CDH4: variants seen among roughly 807,000 people sequenced by gnomAD.
CDH4 encodes cadherin-4.
Under a neutral mutation model 86.0 loss-of-function variants are expected in CDH4, and 33 were observed. The ratio of observed to expected loss-of-function variants is 0.38; its 90% CI spans 0.29 to 0.51. The LOEUF is 0.51. Among genes scored for constraint, CDH4 ranks in the 20% least tolerant of loss-of-function variants. The pLI, the probability that CDH4 is intolerant of heterozygous loss-of-function variation, is 0.86. For missense variants in CDH4, 1,114 were observed against 1,307.4 expected (o/e 0.85, Z 2.28); for synonymous variants, 555 against 549.4 (o/e 1.01, Z -0.14).
At chr20:61,704,405 C>G (rs957394454) in intron 2 of CDH4, among the ~76,000 whole-genome samples, 2 of 152,248 alleles carry the variant, frequency 1.3e-5, no homozygotes, top group African/African-American at 4.8e-5. Context: ...CCTTGTGGGG[C>G]GCTCTCGTTA....
intron 4 of CDH4, among the ~76,000 whole-genome samples, chr20:61,783,688 GA>G (rs1306971260): frequency 2.8e-4 from 39 of 138,160 alleles, no homozygotes; most frequent in African/African-American, 9.2e-4. Flanking sequence ...GCCCCCAAGA[GA>G]AATGTAATCC....
chr20:61,688,790 T>C (rs1419486632), intron 2 of CDH4, among the ~76,000 whole-genome samples: 1 of 152,268 alleles, frequency 6.6e-6, no homozygotes, highest in Non-Finnish European at 1.5e-5. Flanking sequence ...GATTGTTTTT[T>C]CTGATAACAC....
At chr20:61,655,545 C>G (rs1019147735) in intron 2 of CDH4, among the ~76,000 whole-genome samples, 2 of 152,224 alleles carry the variant, frequency 1.3e-5, no homozygotes, top group Non-Finnish European at 2.9e-5. Flanking sequence ...GGATGAAAGC[C>G]CACTTTCTGG....
chr20:61,807,816 G>A lies in CDH4; in HGVS notation c.576+34634G>A, dbSNP rs566519518. On this transcript the variant is annotated intron_variant, in intron 4 of 15. Coordinates refer to ENST00000614565, the MANE Select transcript of CDH4 (RefSeq NM_001794.5). This position sits in a 1 kb window ranked among gnomAD's most constrained non-coding sequence, Gnocchi z 4.5. The stretch of plus-strand genomic sequence containing the variant: ...AAGTGATAGGACGTCTCTGCACACA[G>A]CACATATCCATGCAGGATGGTCAGT... 6.6e-6 allele frequency among the ~76,000 whole-genome samples: 1 copy of A among 152,342 alleles called. No homozygotes were observed. Among genetic ancestry groups the A allele is most frequent in the South Asian group, 2.1e-4 (1 of 4,828 alleles).
At chr20:61,307,613 G>T (rs534828527) in intron 2 of CDH4, among the ~76,000 whole-genome samples, 14 of 152,396 alleles carry the variant, frequency 9.2e-5, no homozygotes, top group African/African-American at 3.4e-4. Flanking sequence ...ACCTGCCCCA[G>T]GCAGGAATCT....
chr20:61,420,860 C>G (rs1892315), intron 2 of CDH4, among the ~76,000 whole-genome samples: 1 of 151,830 alleles, frequency 6.6e-6, no homozygotes, highest in Non-Finnish European at 1.5e-5. Context: ...CAGGTGTCCA[C>G]GCACAGTGCA....
At position 61,393,430 on chromosome 20, in the gene CDH4, G is replaced by A. The variant is rs1162656154; in HGVS notation, c.169+138493G>A. 1.3e-5 allele frequency among the ~76,000 whole-genome samples: 2 copies of A among 152,272 alleles called. No homozygotes were observed. The highest frequency in any genetic ancestry group is 6.5e-5 in the Admixed American group (1 of 15,306). On this transcript the variant is annotated intron_variant, in intron 2 of 15. Transcript: ENST00000614565. The surrounding 1 kb of genome is among the most constrained non-coding windows in gnomAD (Gnocchi z 4.3). Reference sequence around the variant, plus strand: ...CTGATGTCGAGGACCCCCAGGGATTGGCAAAATTAAACCTGGATGCTTTGA... The same window carrying A: ...CTGATGTCGAGGACCCCCAGGGATTAGCAAAATTAAACCTGGATGCTTTGA...
In CDH4 at chr20:61,764,969, A is replaced by G. The variant is rs538049742; in HGVS notation, c.397-8034A>G. On this transcript the variant is annotated intron_variant, in intron 3 of 15. Coordinates refer to ENST00000614565, the MANE Select transcript of CDH4 (RefSeq NM_001794.5). ...ATGCATTCCATAGGAAGCACAGTTGATTAGGGCTTAATGGGGAGAGGCGAT... is the reference window on the plus strand; with the variant it reads ...ATGCATTCCATAGGAAGCACAGTTGGTTAGGGCTTAATGGGGAGAGGCGAT... Among the ~76,000 whole-genome samples the G allele has an allele frequency of 8.3e-4, 126 of 152,306 alleles. 5 individuals are homozygous for G. The South Asian group carries it at 0.023, about 28-fold the overall frequency.
chr20:61,612,174 C>T (rs2086690583), intron 2 of CDH4, among the ~76,000 whole-genome samples: 1 of 152,096 alleles, frequency 6.6e-6, no homozygotes, highest in African/African-American at 2.4e-5. Context: ...AAGATGAAAT[C>T]AGTGTAATTG....
chr20:61,306,297 T>G (rs1196156571), intron 2 of CDH4, among the ~76,000 whole-genome samples: 1 of 152,172 alleles, frequency 6.6e-6, no homozygotes, highest in Non-Finnish European at 1.5e-5. Flanking sequence ...AAGAAATGGC[T>G]GATTTGCTAC....
At chr20:61,855,287 T>C (rs1183519678) in intron 6 of CDH4, among the ~76,000 whole-genome samples, 1 of 152,190 alleles carries the variant, frequency 6.6e-6, no homozygotes, top group Non-Finnish European at 1.5e-5. Flanking sequence ...GCACCCTTGA[T>C]TGGTTGTCTT....
At chr20:61,904,496 G>A (rs753404955) in intron 8 of CDH4, among the ~76,000 whole-genome samples, 6 of 151,948 alleles carry the variant, frequency 3.9e-5, no homozygotes, top group Middle Eastern at 3.4e-3. Flanking sequence ...AGTCAGCTTT[G>A]TCTGCACCGT....
chr20:61,336,669 G>A (rs1038653649), intron 2 of CDH4, among the ~76,000 whole-genome samples: 1 of 152,038 alleles, frequency 6.6e-6, no homozygotes, highest in Non-Finnish European at 1.5e-5. Context: ...ACTTCTTTTT[G>A]ACCCAAAAAT....
chr20:61,257,352 C>A (rs1401361577), intron 2 of CDH4, among the ~76,000 whole-genome samples: 1 of 152,212 alleles, frequency 6.6e-6, no homozygotes, highest in African/African-American at 2.4e-5. Context: ...TGTTTTATGT[C>A]TAAATGAAAA....
chr20:61,274,003 C>T (rs958249181), intron 2 of CDH4, among the ~76,000 whole-genome samples: 1 of 136,284 alleles, frequency 7.3e-6, no homozygotes, highest in African/African-American at 2.8e-5. Flanking sequence ...TGGGAGAGCA[C>T]CATGCACAGT....
chr20:61,420,736 G>A (rs2085172929), intron 2 of CDH4, among the ~76,000 whole-genome samples: 1 of 152,278 alleles, frequency 6.6e-6, no homozygotes. Flanking sequence ...AGTGAATAGG[G>A]TGTGGCATGT....
At chr20:61,865,363 C>T (rs1983498967) in intron 6 of CDH4, among the ~76,000 whole-genome samples, 1 of 151,244 alleles carries the variant, frequency 6.6e-6, no homozygotes, top group African/African-American at 2.4e-5. Flanking sequence ...GGCTGGCTTC[C>T]TGAATGGTTA....
chr20:61,546,476 G>A (rs1383382038), intron 2 of CDH4, among the ~76,000 whole-genome samples: 2 of 151,796 alleles, frequency 1.3e-5, no homozygotes, highest in Non-Finnish European at 2.9e-5. Context: ...CTAGGATCCA[G>A]TGACTCGCAA....
chr20:61,702,179 G>A (rs993207664), intron 2 of CDH4, among the ~76,000 whole-genome samples: 7 of 152,154 alleles, frequency 4.6e-5, no homozygotes, highest in East Asian at 3.9e-4. Context: ...AATAAAACAC[G>A]GTCCTCTGCC....
Sources: gnomAD v4.1 joint callset for allele counts (sites outside exome capture counted in the v4.1 genomes callset) on GRCh38, gnomAD v4.1.1 for gene constraint, Gnocchi (gnomAD v3.1) non-coding constraint, MANE v1.5 for transcripts, NCBI Gene and HGNC (gene_info 2026-07-23, HGNC 2026-07-21) for gene names.